Variants in SCNN1B observed in about 807,000 individuals in gnomAD.
SCNN1B encodes the protein epithelial sodium channel subunit beta.
A neutral mutation model predicts 65.3 loss-of-function variants in SCNN1B; 46 were observed. The ratio of observed to expected loss-of-function variants is 0.70; its 90% CI spans 0.56 to 0.90. The LOEUF is 0.90. Among genes scored for constraint, SCNN1B ranks in the 40% least tolerant of loss-of-function variants. The probability of loss-of-function intolerance (pLI) is 0.00; values close to 1 mark genes in which losing one functional copy is unlikely to be tolerated. For synonymous variants in SCNN1B, 349 were observed against 330.6 expected, an observed-to-expected ratio of 1.06 and a Z score of -0.60; for missense variants, 751 against 830.5, an observed-to-expected ratio of 0.90 and a Z score of 1.18.
intron 1 of SCNN1B, chr16:23,303,920 GA>G (rs1179977407): frequency 5.5e-6 from 4 of 730,158 alleles, no homozygotes; most frequent in Non-Finnish European, 9.7e-6. Flanking sequence ...CTCTGTTTCA[GA>G]AAAATAGAAC....
chr16:23,378,299 C>CA (rs1453106190), intron 10 of SCNN1B, among the ~76,000 whole-genome samples: 6 of 152,232 alleles, frequency 3.9e-5, no homozygotes, highest in Non-Finnish European at 8.8e-5. Context: ...CATGAGCCAC[C>CA]ATGCCCAGCT....
At chr16:23,326,081 A>G (rs1487841703) in intron 1 of SCNN1B, among the ~76,000 whole-genome samples, 1 of 151,874 alleles carries the variant, frequency 6.6e-6, no homozygotes, top group Non-Finnish European at 1.5e-5. Context: ...TCTCTAAAAT[A>G]AACAAAACAA....
At chr16:23,367,628 A>ACCAGAGAGCCTGAGCCCCAACT (rs1962696278) in intron 4 of SCNN1B, among the ~76,000 whole-genome samples, 1 of 152,206 alleles carries the variant, frequency 6.6e-6, no homozygotes, top group Admixed American at 6.5e-5. Context: ...TCATGGCCAA[A>ACCAGAGAGCCTGAGCCCCAACT]CCAGAGAGCC....
chr16:23,299,691 A>G (rs1365412705), upstream of SCNN1B, among the ~76,000 whole-genome samples: 1 of 152,222 alleles, frequency 6.6e-6, no homozygotes, highest in Non-Finnish European at 1.5e-5. Context: ...TCAGGAAACA[A>G]CAGATGCTGG....
At chr16:23,336,616 C>T (rs1961948189) in intron 1 of SCNN1B, among the ~76,000 whole-genome samples, 1 of 151,980 alleles carries the variant, frequency 6.6e-6, no homozygotes, top group Non-Finnish European at 1.5e-5. Flanking sequence ...ATGATCTGCC[C>T]ACCTCGGCCT....
intron 7 of SCNN1B, among the ~76,000 whole-genome samples, chr16:23,372,738 C>T (rs566987335): frequency 1.2e-4 from 18 of 150,430 alleles, no homozygotes; most frequent in African/African-American, 2.7e-4. Context: ...CGTGATCCAC[C>T]GCCTCGGCCT....
intron 1 of SCNN1B, among the ~76,000 whole-genome samples, chr16:23,319,185 C>T (rs1448605684): frequency 6.6e-6 from 1 of 152,016 alleles, no homozygotes; most frequent in African/African-American, 2.4e-5. Flanking sequence ...GGACTACAGG[C>T]CTGTGCCACC....
intron 4 of SCNN1B, among the ~76,000 whole-genome samples, chr16:23,355,960 A>G (rs1962411924): frequency 1.3e-5 from 2 of 152,158 alleles, no homozygotes; most frequent in Admixed American, 1.3e-4. Context: ...TTTAAAAGGA[A>G]GGAGGAAAAA....
intron 1 of SCNN1B, among the ~76,000 whole-genome samples, chr16:23,344,597 G>T (rs371137677): frequency 1.7e-4 from 26 of 152,318 alleles, no homozygotes; most frequent in African/African-American, 5.1e-4. Context: ...TCAGAGCAGG[G>T]AATAGACCTT....
chr16:23,380,651 G>A lies in SCNN1B; in HGVS notation c.1773G>A (p.Gln591=). 1 of 1,612,972 alleles carries A rather than the reference G, an allele frequency of 6.2e-7. No homozygotes were observed. Residue 591 remains glutamine, a synonymous_variant, in exon 13 of 13, where the codon CAG becomes CAA. Transcript: ENST00000343070. The surrounding 1 kb of genome is among the most constrained non-coding windows in gnomAD (Gnocchi z 5.4). ...LVEAHTNFGF[Q]PDTAPRSPNT... is the part of the protein sequence containing the mutation. ...AGGCCCACACCAACTTTGGCTTCCAGCCTGACACGGCCCCCCGCAGCCCCA... is the reference window on the plus strand; with the variant it reads ...AGGCCCACACCAACTTTGGCTTCCAACCTGACACGGCCCCCCGCAGCCCCA...
chr16:23,298,129 T>TG (rs151313234), upstream of SCNN1B, among the ~76,000 whole-genome samples: 5 of 152,164 alleles, frequency 3.3e-5, no homozygotes, highest in African/African-American at 7.2e-5. Flanking sequence ...GAACATTTTT[T>TG]GGGGGGTCCC....
chr16:23,351,085 A>G (rs1183217418), intron 2 of SCNN1B, among the ~76,000 whole-genome samples: 9 of 152,202 alleles, frequency 5.9e-5, no homozygotes, highest in Non-Finnish European at 1.3e-4. Flanking sequence ...TGTTTTTAAA[A>G]GTCCTAGAAG....
At chr16:23,373,084 G>A (rs146916766) in intron 7 of SCNN1B, among the ~76,000 whole-genome samples, 2,994 of 152,218 alleles carry the variant, frequency 0.02, 38 homozygotes, top group Non-Finnish European at 0.03. Context: ...TCCAGCCTGA[G>A]TGACAGAGTG....
rs775427775 is a variant in SCNN1B at position 23,367,825 on chromosome 16, C to T, written c.777-31C>T. On this transcript the variant is annotated intron_variant, in intron 4 of 12. Transcript: ENST00000343070. Reference sequence around the variant, plus strand: ...GGGGGAGGCATTGCCTGTGGTGGAACCTGCCCTGCAGCTGATGCTGTTTCT... The same window carrying T: ...GGGGGAGGCATTGCCTGTGGTGGAATCTGCCCTGCAGCTGATGCTGTTTCT... 6.4e-6 allele frequency: 10 copies of T among 1,553,572 alleles called. No homozygotes were observed. In the South Asian group the frequency reaches 8.9e-5, roughly 14 times the overall value.
At chr16:23,319,769 T>C (rs902048318) in intron 1 of SCNN1B, among the ~76,000 whole-genome samples, 1 of 151,788 alleles carries the variant, frequency 6.6e-6, no homozygotes, top group Non-Finnish European at 1.5e-5. Context: ...AAATGTTTTA[T>C]TTTTTGTTTT....
At chr16:23,334,967 A>G (rs1180823497) in intron 1 of SCNN1B, among the ~76,000 whole-genome samples, 4 of 152,232 alleles carry the variant, frequency 2.6e-5, no homozygotes, top group Non-Finnish European at 5.9e-5. Flanking sequence ...AATCACTGCT[A>G]TACAAATTTT....
chr16:23,303,643 G>A (rs1196504785), intron 1 of SCNN1B, among the ~76,000 whole-genome samples: 4 of 151,926 alleles, frequency 2.6e-5, no homozygotes, highest in African/African-American at 9.7e-5. Flanking sequence ...AATGTTGTAG[G>A]TGGATATTTA....
At chr16:23,304,016 A>G (rs1596816812) in intron 1 of SCNN1B, 2 of 1,471,008 alleles carry the variant, frequency 1.4e-6, no homozygotes, top group Non-Finnish European at 9.2e-7. Flanking sequence ...CTGCATATAA[A>G]CCCAGCTTAT....
chr16:23,300,527 AT>A (rs896949193), upstream of SCNN1B, among the ~76,000 whole-genome samples: 166 of 146,862 alleles, frequency 1.1e-3, 1 homozygote, highest in South Asian at 2.6e-3. Context: ...CTTCCCACTG[AT>A]TTTTTTTTTT....
Sources: allele counts gnomAD v4.1 joint callset (sites outside exome capture counted in the v4.1 genomes callset), GRCh38; gene constraint gnomAD v4.1.1; non-coding constraint Gnocchi (gnomAD v3.1); transcripts MANE v1.5; gene names NCBI Gene and HGNC (gene_info 2026-07-23, HGNC 2026-07-21).